Variants in PTPRR observed in about 807,000 individuals in gnomAD.
The protein encoded by PTPRR is receptor-type tyrosine-protein phosphatase R.
Under a neutral mutation model 77.2 loss-of-function variants are expected in PTPRR, and 38 were observed. The observed-to-expected ratio is 0.49, with a 90% CI of 0.38 to 0.65. The LOEUF (loss-of-function observed/expected upper bound fraction) is 0.65. Ranked by LOEUF, PTPRR falls within the 30% of genes least tolerant of loss-of-function variation. The pLI is 0.00. For missense variants in PTPRR, 744 were observed against 799.2 expected, an observed-to-expected ratio of 0.93 and a Z score of 0.83; for synonymous variants, 299 against 283.1, an observed-to-expected ratio of 1.06 and a Z score of -0.57.
intron 2 of PTPRR, among the ~76,000 whole-genome samples, chr12:70,765,486 T>G (rs1890796253): frequency 6.6e-6 from 1 of 152,132 alleles, no homozygotes; most frequent in Admixed American, 6.5e-5. Flanking sequence ...CCAGGCTCAC[T>G]TAGGTAAACA....
chr12:70,684,634 G>T, intron 9 of PTPRR, 70 bp downstream of exon 9: 1 of 1,130,262 alleles, frequency 8.8e-7, no homozygotes, highest in Non-Finnish European at 1.3e-6. Flanking sequence ...TCTACTCTAG[G>T]AAAAAGAAAA....
intron 2 of PTPRR, among the ~76,000 whole-genome samples, chr12:70,805,725 C>T (rs1466776394): frequency 6.6e-6 from 1 of 152,100 alleles, no homozygotes; most frequent in Non-Finnish European, 1.5e-5. Context: ...TTGCAACAAC[C>T]AAATGTGGTA....
intron 2 of PTPRR, among the ~76,000 whole-genome samples, chr12:70,833,270 G>C (rs1174111147): frequency 6.6e-6 from 1 of 152,136 alleles, no homozygotes; most frequent in Non-Finnish European, 1.5e-5. Context: ...AAAGCATAGA[G>C]GTTGCCACTC....
At chr12:70,759,674 C>T (rs540902905) in intron 4 of PTPRR, among the ~76,000 whole-genome samples, 191 of 92,144 alleles carry the variant, frequency 2.1e-3, no homozygotes, top group Non-Finnish European at 3.0e-3. Context: ...AGCAAGACTC[C>T]GTCTTAAAAA....
intron 13 of PTPRR, among the ~76,000 whole-genome samples, chr12:70,648,773 T>G (rs1003952922): frequency 6.6e-5 from 10 of 152,138 alleles, no homozygotes; most frequent in Admixed American, 2.0e-4. Context: ...ACTTCATCTT[T>G]TAATTAAAAG....
At chr12:70,898,570 T>C (rs1280797248) in intron 1 of PTPRR, among the ~76,000 whole-genome samples, 1 of 149,240 alleles carries the variant, frequency 6.7e-6, no homozygotes, top group African/African-American at 2.4e-5. Context: ...CACATATATA[T>C]GTATATACAT....
chr12:70,654,536 AG>A (rs1445126996), intron 13 of PTPRR, among the ~76,000 whole-genome samples: 1 of 152,226 alleles, frequency 6.6e-6, no homozygotes, highest in East Asian at 1.9e-4. Context: ...CTCTGTCTCC[AG>A]GAAAAAAAGA....
chr12:70,789,052 G>T, intron 2 of PTPRR: 1 of 478,660 alleles, frequency 2.1e-6, no homozygotes, highest in Non-Finnish European at 3.5e-6. Context: ...CCAGGTGCTT[G>T]CTGTTTCAAC....
intron 6 of PTPRR, among the ~76,000 whole-genome samples, chr12:70,724,403 G>A (rs1450800007): frequency 6.6e-6 from 1 of 152,120 alleles, no homozygotes; most frequent in Non-Finnish European, 1.5e-5. Context: ...ACTTGTGCAC[G>A]TGCTTCACTG....
chr12:70,920,401 T>C lies in PTPRR; in HGVS notation c.-11A>G, dbSNP rs1326689210. ...GACTGCTCTCCGCATAGTGTTTGCATTGAGAGGTGGAGGAGAAACTCCACC... is the reference window on the plus strand; with the variant it reads ...GACTGCTCTCCGCATAGTGTTTGCACTGAGAGGTGGAGGAGAAACTCCACC... On this transcript the variant is annotated 5_prime_UTR_variant, in exon 1 of 14. It removes an upstream start codon present in the reference 5' UTR. Coordinates refer to ENST00000283228, the MANE Select transcript of PTPRR (RefSeq NM_002849.4). The C allele has an allele frequency of 1.9e-6, 3 of 1,612,108 alleles. No homozygotes were observed. Among genetic ancestry groups the C allele is most frequent in the Non-Finnish European group, 2.5e-6 (3 of 1,179,200 alleles).
In PTPRR at chr12:70,827,854, G is replaced by A. The variant is rs1892142061; in HGVS notation, c.358-63076C>T. ...TCCTGTCTCAGCCTCCCGAGTAGCT[G>A]GGACTACAGGCGCCCACCACTACAC... On this transcript the variant is annotated intron_variant, in intron 2 of 13. Transcript: ENST00000283228. Among the ~76,000 whole-genome samples, 3 of 151,488 alleles carry A rather than the reference G, an allele frequency of 2.0e-5. No homozygotes were observed. The South Asian group carries it at 6.3e-4, about 32-fold the overall frequency.
At chr12:70,797,387 T>C (rs2137016156) in intron 2 of PTPRR, among the ~76,000 whole-genome samples, 1 of 152,298 alleles carries the variant, frequency 6.6e-6, no homozygotes, top group East Asian at 1.9e-4. Flanking sequence ...CATCAGTTTC[T>C]CCTTCACTAC....
chr12:70,888,423 T>C (rs555349650), intron 2 of PTPRR, among the ~76,000 whole-genome samples: 8 of 152,344 alleles, frequency 5.3e-5, no homozygotes, highest in African/African-American at 1.9e-4. Context: ...CTATGATTTC[T>C]ACTTTTCCAT....
intron 2 of PTPRR, among the ~76,000 whole-genome samples, chr12:70,874,061 C>A (rs1420202510): frequency 1.3e-5 from 2 of 152,166 alleles, no homozygotes; most frequent in Non-Finnish European, 2.9e-5. Context: ...AGGAGCAGAA[C>A]TCAAGCCTTT....
At chr12:70,742,095 A>G in intron 6 of PTPRR, among the ~76,000 whole-genome samples, 1 of 152,216 alleles carries the variant, frequency 6.6e-6, no homozygotes, top group East Asian at 1.9e-4. Context: ...AATACTTATG[A>G]GAACCAAAGA....
intron 2 of PTPRR, among the ~76,000 whole-genome samples, chr12:70,789,296 A>G (rs942120120): frequency 1.3e-4 from 20 of 152,084 alleles, no homozygotes; most frequent in African/African-American, 4.8e-4. Context: ...AAATACTCAT[A>G]AGCTAGTTTC....
chr12:70,895,979 T>C (rs1429028519), intron 1 of PTPRR, among the ~76,000 whole-genome samples: 2 of 151,626 alleles, frequency 1.3e-5, no homozygotes, highest in African/African-American at 4.8e-5. Context: ...CAGATGCAGG[T>C]GTAGAAGCGC....
intron 3 of PTPRR, among the ~76,000 whole-genome samples, chr12:70,763,705 T>C (rs916027771): frequency 2.0e-5 from 3 of 152,208 alleles, no homozygotes; most frequent in Non-Finnish European, 4.4e-5. Flanking sequence ...TGGGGGAACA[T>C]GGAGTCCTTG....
At chr12:70,672,241 GGT>G (rs1176173483) in intron 10 of PTPRR, 1 of 1,590,094 alleles carries the variant, frequency 6.3e-7, no homozygotes, top group African/African-American at 1.3e-5. Flanking sequence ...CAGATAAGGT[GGT>G]GTGTGTGGGC....
Sources: allele counts gnomAD v4.1 joint callset (sites outside exome capture counted in the v4.1 genomes callset), GRCh38; gene constraint gnomAD v4.1.1; transcripts MANE v1.5; gene names NCBI Gene and HGNC (gene_info 2026-07-23, HGNC 2026-07-21).